The following CFAP65 variants were observed in gnomAD, a reference collection of about 807,000 sequenced individuals.
CFAP65 encodes the protein cilia and flagella associated protein 65.
In CFAP65, 155 loss-of-function variants were observed where a neutral mutation model predicts 208.0. That is an observed-to-expected ratio of 0.75 (90% CI 0.65 to 0.85). The LOEUF is 0.85. CFAP65 is among the 40% of genes least tolerant of loss of function. CFAP65 has a pLI of 0.00. For missense variants in CFAP65, 2,294 were observed against 2,451.3 expected, an observed-to-expected ratio of 0.94 and a Z score of 1.36; for synonymous variants, 970 against 986.3, an observed-to-expected ratio of 0.98 and a Z score of 0.31.
chr2:219,007,930 T>C (rs1038916193), intron 29 of CFAP65, among the ~76,000 whole-genome samples: 2 of 151,824 alleles, frequency 1.3e-5, no homozygotes, highest in Non-Finnish European at 2.9e-5. Flanking sequence ...GCGATTCTCA[T>C]GCCTCAGCCT....
At chr2:219,022,013 C>G in intron 17 of CFAP65, 83 bp from the exon 18 acceptor site, 1 of 1,574,332 alleles carries the variant, frequency 6.4e-7, no homozygotes, top group Non-Finnish European at 8.6e-7. Flanking sequence ...TTCAGAGCAT[C>G]CCCCAAGGAA....
intron 5 of CFAP65, among the ~76,000 whole-genome samples, chr2:219,033,312 A>T (rs1026949811): frequency 8.6e-5 from 13 of 151,924 alleles, no homozygotes; most frequent in East Asian, 1.9e-4. Flanking sequence ...CTATACCAAA[A>T]TTTTTTTTAA....
At chr2:219,012,681 G>T (rs898562656) in intron 24 of CFAP65, among the ~76,000 whole-genome samples, 1 of 152,210 alleles carries the variant, frequency 6.6e-6, no homozygotes, top group Non-Finnish European at 1.5e-5. Context: ...AAGAAAGAAA[G>T]GTCTAAAGCT....
At chr2:219,033,973 A>G (rs1290881854) in intron 5 of CFAP65, 1 of 152,206 alleles carries the variant, frequency 6.6e-6, no homozygotes, top group African/African-American at 2.4e-5. Context: ...CTAGCAACAA[A>G]CAGAAATAAA....
At chr2:219,013,186 C>T (rs1946600933) in intron 24 of CFAP65, 73 bp downstream of exon 24, 4 of 1,057,404 alleles carry the variant, frequency 3.8e-6, no homozygotes, top group Non-Finnish European at 5.8e-6. Context: ...GTCACCCTCT[C>T]AAGGGCTGAC....
chr2:219,006,833 CAAA>C (rs752764154), intron 29 of CFAP65, among the ~76,000 whole-genome samples: 3 of 76,432 alleles, frequency 3.9e-5, no homozygotes, highest in Admixed American at 1.5e-4. Context: ...GACTCTGTCT[CAAA>C]AAAAAAAAAA....
chr2:219,019,661 G>A lies in CFAP65; in HGVS notation c.3318C>T (p.Pro1106=). 1 of 1,613,734 alleles carries A rather than the reference G, an allele frequency of 6.2e-7. No individual in the cohort carries two copies. The highest frequency in any genetic ancestry group is 8.5e-7 in the Non-Finnish European group (1 of 1,180,036). The part of the protein sequence containing the change: ...LCCVSLVAVY[P]LLSILDVSSM... ...AGCTGACATCCAGGATGGAAAGCAA[G>A]GGGTACACGGCCACCAGGGAGACGC... Residue 1106 remains proline (P), a synonymous_variant, in exon 20 of 35, where the codon CCC becomes CCT. Transcript: ENST00000341552.
At position 219,023,280 on chromosome 2, in the gene CFAP65, C is replaced by G. The variant is rs957357519; in HGVS notation, c.2747G>C (p.Arg916Thr). The G allele has an allele frequency of 1.2e-6, 2 of 1,613,328 alleles. No homozygotes were observed. The highest frequency in any genetic ancestry group is 1.7e-6 in the Non-Finnish European group (2 of 1,179,946). ...CAGCTTTCGATGCTGCTCAGAGACC[C>G]TCCACTCGAACTGCAGGGGCAGACG... The part of the protein sequence containing the change: ...PSRLPLQFEW[R>T]VSEQHRKLLA... The change falls in exon 16 of 35, where the codon AGG becomes ACG. Residue 916 changes from arginine (R) to threonine (T), a missense_variant. This residue lies in a region of CFAP65 where 1,427 missense variants were observed against 1,438.7 expected (regional missense o/e 0.99). Coordinates refer to ENST00000341552, the MANE Select transcript of CFAP65 (RefSeq NM_194302.4).
chr2:219,036,003 CAGAT>C (rs1427805588), intron 4 of CFAP65, among the ~76,000 whole-genome samples: 1 of 152,240 alleles, frequency 6.6e-6, no homozygotes, highest in Non-Finnish European at 1.5e-5. Context: ...AGTGCACCCT[CAGAT>C]AGCACCCCAT....
rs1945828494 is a variant in CFAP65, at chr2:219,004,845, T to C, written c.5052-390A>G. ...GTGGGGGGGCCGGGGGGGGGGACCG[T>C]GGTGGGATCTTGCAAAGAAGTTCTG... On this transcript the variant is annotated intron_variant, in intron 32 of 34. Coordinates refer to ENST00000341552, the MANE Select transcript of CFAP65 (RefSeq NM_194302.4). The surrounding 1 kb of genome is among the most constrained non-coding windows in gnomAD (Gnocchi z 4.7). 6.8e-6 allele frequency among the ~76,000 whole-genome samples: 1 copy of C among 146,898 alleles called. No homozygotes were observed. Among genetic ancestry groups the C allele is most frequent in the Non-Finnish European group, 1.5e-5 (1 of 66,336 alleles).
Position 219,010,704 on chromosome 2 carries a change from C to T in CFAP65, c.4150G>A (p.Val1384Met), listed in dbSNP as rs1946413657. 6.2e-7 allele frequency: 1 copy of T among 1,604,292 alleles called. No individual in the cohort carries two copies. The highest frequency in any genetic ancestry group is 8.5e-7 in the Non-Finnish European group (1 of 1,175,380). Residue 1384 changes from valine to methionine, a missense_variant and splice_region_variant, in exon 26 of 35, where the codon GTG (valine) becomes ATG (methionine). Val to Met is a conservative substitution (Grantham distance 21, BLOSUM62 1). This residue lies in a region of CFAP65 where 1,427 missense variants were observed against 1,438.7 expected (regional missense o/e 0.99). Coordinates refer to ENST00000341552, the MANE Select transcript of CFAP65 (RefSeq NM_194302.4). Reference protein sequence around the residue: ...FSPIEAKTYTVDVPIHILGWN... With the variant: ...FSPIEAKTYTMDVPIHILGWN... ...CCCAGGATGTGTATGGGCACGTCCA[C>T]CTGGGGAGTTAGGAGGGTGGGGGTA...
rs780457467 is a variant in CFAP65, at chr2:219,026,096, C to T, written c.2275G>A (p.Val759Met). 3 of 1,614,102 alleles carry T rather than the reference C, an allele frequency of 1.9e-6. No homozygotes were observed. Among genetic ancestry groups the T allele is most frequent in the East Asian group, 2.2e-5 (1 of 44,880 alleles). Residue 759 changes from valine (V) to methionine (M), a missense_variant, in exon 14 of 35, where the codon GTG becomes ATG. By Grantham distance (21) the Val-to-Met change is conservative. Coordinates refer to ENST00000341552, the MANE Select transcript of CFAP65 (RefSeq NM_194302.4). ...CTMCPSWCLTVRARGHSYFAG... is the reference protein window; with the variant it reads ...CTMCPSWCLTMRARGHSYFAG... ...AAATAGCTGTGGCCTCGTGCCCGCA[C>T]CGTCAGGCACCAGGATGGGCACATG... is the stretch of plus-strand genomic sequence containing the variant.
rs188132284 is a variant in CFAP65, at chr2:219,036,619, A to G, written c.358-955T>C. Among the ~76,000 whole-genome samples, 70 of 151,634 alleles carry G rather than the reference A, an allele frequency of 4.6e-4. 1 individual carries two copies. The highest frequency in any genetic ancestry group is 1.1e-3 in the Admixed American group (16 of 15,238). The stretch of plus-strand genomic sequence containing the variant: ...GCCATCATGCCTGGCTGATTTTTGT[A>G]TTTCTGTAGAGATGGGGTTTCACCA... On this transcript the variant is annotated intron_variant, in intron 4 of 34. Transcript: ENST00000341552.
At chr2:219,014,878 G>T (rs1489935583) in intron 21 of CFAP65, 1 of 147,360 alleles carries the variant, frequency 6.8e-6, no homozygotes, top group Non-Finnish European at 1.5e-5. Context: ...GAGAATGCGC[G>T]CAACAAACAC....
At chr2:219,006,787 T>A (rs1946031850) in intron 29 of CFAP65, among the ~76,000 whole-genome samples, 1 of 141,636 alleles carries the variant, frequency 7.1e-6, no homozygotes, top group South Asian at 2.2e-4. Context: ...TGAGCCAAGA[T>A]GGCGCCACTG....
At position 219,039,031 on chromosome 2, in the gene CFAP65, A is replaced by G. The variant is rs780007993; in HGVS notation, c.18T>C (p.Gly6=). Residue 6 remains glycine, a synonymous_variant, in exon 3 of 35, where the codon GGT becomes GGC. Transcript: ENST00000341552. ...TCTGGGTTTTCTCCACCAGTCTACA[A>G]CCGGTTAAGGTAAACATCACTGAAA... The part of the protein sequence containing the change: MFTLT[G]CRLVEKTQKV... 12 of 1,609,918 alleles carry G rather than the reference A, an allele frequency of 7.5e-6. No individual in the cohort carries two copies. The African/African-American group carries it at 1.5e-4, about 20-fold the overall frequency.
chr2:219,028,424 G>GT (rs1947802978), intron 11 of CFAP65, 23 bp from the exon 12 acceptor site: 1 of 1,608,862 alleles, frequency 6.2e-7, no homozygotes, highest in Non-Finnish European at 8.5e-7. Context: ...TCTGTGTGTG[G>GT]TGGGGCATGG....
At chr2:219,035,459 C>G in intron 5 of CFAP65, 21 bp downstream of exon 5, 1 of 1,614,086 alleles carries the variant, frequency 6.2e-7, no homozygotes, top group Non-Finnish European at 8.5e-7. Flanking sequence ...GCACTGGGTC[C>G]TTGATCCCTT....
rs1559137828 is a variant in CFAP65, at chr2:219,021,273, C to T, written c.3138G>A (p.Gln1046=). 1 of 1,590,470 alleles carries T rather than the reference C, an allele frequency of 6.3e-7. No homozygotes were observed. Among genetic ancestry groups the T allele is most frequent in the Admixed American group, 1.7e-5 (1 of 57,598 alleles). ...EAVDNHPLAL[Q]LDRTEGSMPP... is the part of the protein sequence containing the mutation. ...GCATGCTCCCCTCTGTTCGGTCCAG[C>T]TGCAGAGCTGCTCAGGGATGATGCC... The change falls in exon 19 of 35, where the codon CAG becomes CAA. Residue 1046 remains glutamine (Q), a synonymous_variant. Coordinates refer to ENST00000341552, the MANE Select transcript of CFAP65 (RefSeq NM_194302.4).
Sources: gnomAD v4.1 joint callset for allele counts (sites outside exome capture counted in the v4.1 genomes callset) on GRCh38, gnomAD v4.1.1 for gene constraint, gnomAD v4.1.1 regional missense constraint, Gnocchi (gnomAD v3.1) non-coding constraint, MANE v1.5 for transcripts, NCBI Gene and HGNC (gene_info 2026-07-23, HGNC 2026-07-21) for gene names.